GRID2: variants seen among roughly 807,000 people sequenced by gnomAD.
The protein encoded by GRID2 is glutamate receptor ionotropic, delta-2.
Under a neutral mutation model 114.8 loss-of-function variants are expected in GRID2, and 33 were observed. The observed-to-expected ratio is 0.29, with a 90% confidence interval of 0.22 to 0.38. GRID2 has a LOEUF of 0.38. Ranked by LOEUF, GRID2 falls within the 10% of genes least tolerant of loss-of-function variation. The pLI is 1.00. For missense variants in GRID2, 1,184 were observed against 1,257.7 expected (o/e 0.94, Z 0.89); for synonymous variants, 505 against 449.9 (o/e 1.12, Z -1.55).
At chr4:92,402,652 T>A (rs1289670115) in intron 1 of GRID2, among the ~76,000 whole-genome samples, 1 of 152,204 alleles carries the variant, frequency 6.6e-6, no homozygotes, top group African/African-American at 2.4e-5. Context: ...TAAACCATGC[T>A]ATAAACAAAT....
intron 2 of GRID2, among the ~76,000 whole-genome samples, chr4:92,593,306 T>G (rs1728793077): frequency 6.6e-6 from 1 of 152,052 alleles, no homozygotes; most frequent in Admixed American, 6.6e-5. Context: ...ATTTATTTTA[T>G]TGTTAGAATT....
At chr4:93,768,064 C>T (rs973483591) in intron 14 of GRID2, among the ~76,000 whole-genome samples, 13 of 152,150 alleles carry the variant, frequency 8.5e-5, no homozygotes, top group Non-Finnish European at 1.3e-4. Flanking sequence ...CCAACTTGCA[C>T]GCTGAAGTGT....
chr4:92,746,748 G>C (rs1737166381), intron 2 of GRID2, among the ~76,000 whole-genome samples: 1 of 151,842 alleles, frequency 6.6e-6, no homozygotes, highest in Admixed American at 6.6e-5. Context: ...GTGTCACTTT[G>C]AGCAAATTAT....
intron 9 of GRID2, among the ~76,000 whole-genome samples, chr4:93,403,626 T>C (rs1223496615): frequency 6.6e-6 from 1 of 152,124 alleles, no homozygotes; most frequent in East Asian, 1.9e-4. Flanking sequence ...AATGAAGAGA[T>C]GCTCAGCATA....
chr4:93,238,978 G>A (rs1043440593), intron 8 of GRID2, among the ~76,000 whole-genome samples: 2 of 150,948 alleles, frequency 1.3e-5, no homozygotes, highest in Admixed American at 6.6e-5. Flanking sequence ...ACTCTTGTTG[G>A]ATACTACTGA....
At chr4:93,455,604 C>A in intron 10 of GRID2, 58 bp from the exon 11 acceptor site, 1 of 1,189,080 alleles carries the variant, frequency 8.4e-7, no homozygotes, top group Non-Finnish European at 1.2e-6. Context: ...GCTGAAGTGG[C>A]ACAAATGAAA....
intron 4 of GRID2, among the ~76,000 whole-genome samples, chr4:93,143,074 A>G (rs1345854489): frequency 6.6e-6 from 1 of 152,182 alleles, no homozygotes. Flanking sequence ...AAGAAATCCC[A>G]TGTCTTGCCC....
intron 11 of GRID2, among the ~76,000 whole-genome samples, chr4:93,478,025 A>G (rs1174329082): frequency 6.6e-6 from 1 of 152,118 alleles, no homozygotes; most frequent in Non-Finnish European, 1.5e-5. Flanking sequence ...TACTTAACAT[A>G]CAACTGTGTC....
chr4:93,680,321 G>A (rs1725386253), intron 14 of GRID2, among the ~76,000 whole-genome samples: 1 of 151,914 alleles, frequency 6.6e-6, no homozygotes, highest in African/African-American at 2.4e-5. Context: ...AGGACCAGAT[G>A]GATTCACAGC....
chr4:92,368,971 C>G (rs931590901), intron 1 of GRID2, among the ~76,000 whole-genome samples: 5 of 147,204 alleles, frequency 3.4e-5, no homozygotes, highest in Non-Finnish European at 6.0e-5. Flanking sequence ...TATTAGGTAA[C>G]AGGATTTCAA....
chr4:92,458,049 TGAA>T (rs1721302252), intron 1 of GRID2, among the ~76,000 whole-genome samples: 1 of 152,210 alleles, frequency 6.6e-6, no homozygotes, highest in South Asian at 2.1e-4. Flanking sequence ...TAGAATAGCA[TGAA>T]GGACTTTTCT....
intron 10 of GRID2, among the ~76,000 whole-genome samples, chr4:93,452,248 A>G (rs1722758117): frequency 6.6e-6 from 1 of 152,172 alleles, no homozygotes. Context: ...CTAAATGTCA[A>G]GAGACCTGAT....
intron 13 of GRID2, among the ~76,000 whole-genome samples, chr4:93,552,407 G>T (rs1733852399): frequency 6.6e-6 from 1 of 152,050 alleles, no homozygotes; most frequent in South Asian, 2.1e-4. Flanking sequence ...TAATGGGATG[G>T]CTGGGTCAAA....
At chr4:92,631,398 T>TGTAAATAACAGGTTA (rs2149246242) in intron 2 of GRID2, among the ~76,000 whole-genome samples, 1 of 152,276 alleles carries the variant, frequency 6.6e-6, no homozygotes, top group South Asian at 2.1e-4. Flanking sequence ...TTATTTTACC[T>TGTAAATAACAGGTTA]GTAAATAACA....
chr4:93,522,460 C>A (rs2149500070), intron 13 of GRID2, among the ~76,000 whole-genome samples: 1 of 152,180 alleles, frequency 6.6e-6, no homozygotes, highest in South Asian at 2.1e-4. Flanking sequence ...CTTCAGCTGA[C>A]TGAGCATAAG....
intron 13 of GRID2, among the ~76,000 whole-genome samples, chr4:93,574,882 A>G (rs913878780): frequency 2.0e-5 from 3 of 152,224 alleles, no homozygotes; most frequent in African/African-American, 4.8e-5. Flanking sequence ...TCTCAACTCT[A>G]TAAAGTCTAG....
intron 4 of GRID2, among the ~76,000 whole-genome samples, chr4:93,144,072 T>G (rs889690108): frequency 1.3e-5 from 2 of 152,158 alleles, no homozygotes; most frequent in African/African-American, 4.8e-5. Flanking sequence ...GGGCAAAACA[T>G]GGATTTCTGG....
At chr4:92,347,333 G>T (rs1252447839) in intron 1 of GRID2, among the ~76,000 whole-genome samples, 1 of 152,194 alleles carries the variant, frequency 6.6e-6, no homozygotes, top group Non-Finnish European at 1.5e-5. Context: ...ATATGTGTGT[G>T]TGTAGATATG....
chr4:92,925,673 T>G (rs1010399971), intron 2 of GRID2, among the ~76,000 whole-genome samples: 1 of 151,998 alleles, frequency 6.6e-6, no homozygotes, highest in African/African-American at 2.4e-5. Flanking sequence ...GGTGTGGAAT[T>G]AGGGAAGCAA....
Sources: gnomAD v4.1 joint callset for allele counts (sites outside exome capture counted in the v4.1 genomes callset) on GRCh38, gnomAD v4.1.1 for gene constraint, MANE v1.5 for transcripts, NCBI Gene and HGNC (gene_info 2026-07-23, HGNC 2026-07-21) for gene names.